SAMMSON: variants seen among roughly 807,000 people sequenced by gnomAD.
SAMMSON encodes the protein long intergenic non-protein coding RNA 1212.
At chr3:70,408,320 T>C (rs1701192634) in intron 2 of SAMMSON, among the ~76,000 whole-genome samples, 1 of 152,238 alleles carries the variant, frequency 6.6e-6, no homozygotes, top group African/African-American at 2.4e-5. Context: ...GAATTTTTCC[T>C]CAGAAAATGG....
At chr3:70,029,752 CAAAAA>C (rs5849936) in intron 3 of SAMMSON, among the ~76,000 whole-genome samples, 1 of 78,874 alleles carries the variant, frequency 1.3e-5, no homozygotes, top group African/African-American at 4.6e-5. Context: ...AAGACTCTGT[CAAAAA>C]AAAAAAAAAA....
chr3:70,329,032 A>G (rs1393086691), intron 7 of SAMMSON, among the ~76,000 whole-genome samples: 2 of 152,166 alleles, frequency 1.3e-5, no homozygotes, highest in Non-Finnish European at 2.9e-5. Context: ...TTTTTTAAAT[A>G]TTGAAAGAAA....
At chr3:70,058,102 A>T (rs2067174554) in intron 3 of SAMMSON, among the ~76,000 whole-genome samples, 1 of 152,092 alleles carries the variant, frequency 6.6e-6, no homozygotes, top group South Asian at 2.1e-4. Flanking sequence ...CTGTGAATTT[A>T]ACTGAACTTC....
At chr3:70,353,074 TA>T (rs1385661707) in intron 7 of SAMMSON, among the ~76,000 whole-genome samples, 2 of 152,004 alleles carry the variant, frequency 1.3e-5, no homozygotes, top group African/African-American at 4.8e-5. Context: ...ACTTTATATT[TA>T]AAATTTATCT....
At chr3:70,355,249 A>G (rs565011934) in intron 8 of SAMMSON, among the ~76,000 whole-genome samples, 130 of 152,240 alleles carry the variant, frequency 8.5e-4, no homozygotes, top group Non-Finnish European at 1.6e-3. Context: ...TAAGTTTCCA[A>G]TCAATTTTCT....
At chr3:70,096,643 A>G (rs960627915) in intron 4 of SAMMSON, among the ~76,000 whole-genome samples, 3 of 152,172 alleles carry the variant, frequency 2.0e-5, no homozygotes, top group Non-Finnish European at 4.4e-5. Context: ...TACAGGTCCT[A>G]TTTATACTCA....
At chr3:70,390,322 T>C (rs1054607569), downstream of SAMMSON, among the ~76,000 whole-genome samples, 2 of 152,162 alleles carry the variant, frequency 1.3e-5, no homozygotes, top group Admixed American at 1.3e-4. Flanking sequence ...AATATCAAAA[T>C]TGATTCCAAG....
chr3:70,412,822 T>C (rs1701230545), intron 2 of SAMMSON, among the ~76,000 whole-genome samples: 1 of 152,154 alleles, frequency 6.6e-6, no homozygotes, highest in African/African-American at 2.4e-5. Context: ...TCTTAAGATA[T>C]TGCCAACATT....
chr3:70,405,437 A>C (rs1036916422), intron 2 of SAMMSON, among the ~76,000 whole-genome samples: 1 of 152,210 alleles, frequency 6.6e-6, no homozygotes, highest in African/African-American at 2.4e-5. Flanking sequence ...ACCAGAAGGA[A>C]AGGTTTTTAT....
At chr3:70,294,831 T>A (rs1702274599) in intron 7 of SAMMSON, among the ~76,000 whole-genome samples, 1 of 152,124 alleles carries the variant, frequency 6.6e-6, no homozygotes, top group Non-Finnish European at 1.5e-5. Flanking sequence ...TTCCCAAGTT[T>A]CAAGCATCAC....
chr3:70,018,764 A>C (rs1396140103), intron 3 of SAMMSON, among the ~76,000 whole-genome samples: 3 of 152,072 alleles, frequency 2.0e-5, no homozygotes, highest in Non-Finnish European at 2.9e-5. Context: ...TGTGTCCCAG[A>C]GATTCTGGTA....
At chr3:70,273,177 A>C (rs1301802741) in intron 6 of SAMMSON, among the ~76,000 whole-genome samples, 2 of 152,284 alleles carry the variant, frequency 1.3e-5, no homozygotes, top group African/African-American at 2.4e-5. Context: ...GATCACTGAC[A>C]CTTGAAAGGT....
chr3:70,201,990 T>G (rs978968232), intron 4 of SAMMSON, among the ~76,000 whole-genome samples: 1 of 152,204 alleles, frequency 6.6e-6, no homozygotes, highest in East Asian at 1.9e-4. Context: ...CTCTTTGCTT[T>G]TATCTCTCTC....
rs79371052 is a variant in SAMMSON at position 70,317,060 on chromosome 3, A to G, written n.739+25817A>G. Among the ~76,000 whole-genome samples, 801 of 152,136 alleles carry G rather than the reference A, an allele frequency of 5.3e-3. 35 individuals carry two copies. The East Asian group carries it at 0.092, about 18-fold the overall frequency. ...GCATCCTTAATATAGTTCACATAGC[A>G]AAAATGTTGCTCCACTTCATGTTAT... is the stretch of plus-strand genomic sequence containing the variant. On this transcript the variant is annotated intron_variant and non_coding_transcript_variant, in intron 7 of 9. Transcript: ENST00000642114.
chr3:70,059,015 C>G (rs1306573388), intron 3 of SAMMSON, among the ~76,000 whole-genome samples: 1 of 151,982 alleles, frequency 6.6e-6, no homozygotes, highest in African/African-American at 2.4e-5. Context: ...GCTAGTTGAC[C>G]TGTTTAAGTT....
At chr3:70,254,731 G>A (rs1356901140) in intron 6 of SAMMSON, among the ~76,000 whole-genome samples, 5 of 152,030 alleles carry the variant, frequency 3.3e-5, no homozygotes, top group Non-Finnish European at 5.9e-5. Flanking sequence ...CTGTCATGAC[G>A]CACTCTACTC....
chr3:70,369,754 A>C (rs1409448568), intron 9 of SAMMSON, among the ~76,000 whole-genome samples: 1 of 151,872 alleles, frequency 6.6e-6, no homozygotes, highest in Non-Finnish European at 1.5e-5. Flanking sequence ...AGTGTATAAC[A>C]AACCAGTCAG....
chr3:70,126,759 A>AC, intron 4 of SAMMSON: 2 of 236,192 alleles, frequency 8.5e-6, no homozygotes, highest in East Asian at 1.2e-4. Context: ...TCTGTTGCCT[A>AC]GGCTGGAGTG....
At chr3:70,430,327 G>A (rs946186976) in intron 2 of SAMMSON, among the ~76,000 whole-genome samples, 3 of 152,108 alleles carry the variant, frequency 2.0e-5, no homozygotes, top group African/African-American at 4.8e-5. Flanking sequence ...TGGCTTGATC[G>A]TGGTGAATAA....
Sources: gnomAD v4.1 joint callset for allele counts (sites outside exome capture counted in the v4.1 genomes callset) on GRCh38, gnomAD v4.1.1 for gene constraint, MANE v1.5 for transcripts, NCBI Gene and HGNC (gene_info 2026-07-23, HGNC 2026-07-21) for gene names.